Variants in VPS13C observed in about 807,000 individuals in gnomAD.
The protein encoded by VPS13C is intermembrane lipid transfer protein VPS13C.
In VPS13C, 358 loss-of-function variants were observed where a neutral mutation model predicts 456.8. That is an observed-to-expected ratio of 0.78 (90% CI 0.72 to 0.86). The LOEUF (loss-of-function observed/expected upper bound fraction) is 0.86. Ranked by LOEUF, VPS13C falls within the 40% of genes least tolerant of loss-of-function variation. The pLI is 0.00. For synonymous variants in VPS13C, 1,578 were observed against 1,486.7 expected, an observed-to-expected ratio of 1.06 and a Z score of -1.41; for missense variants, 4,818 against 4,385.4, an observed-to-expected ratio of 1.10 and a Z score of -2.79.
chr15:62,053,499 T>C (rs1026123872), intron 1 of VPS13C, among the ~76,000 whole-genome samples: 6 of 152,198 alleles, frequency 3.9e-5, no homozygotes, highest in South Asian at 2.1e-4. Context: ...AAGATAAAGA[T>C]ACATTATTTA....
intron 81 of VPS13C, chr15:61,863,816 G>A: frequency 4.2e-6 from 1 of 239,294 alleles, no homozygotes; most frequent in Non-Finnish European, 8.1e-6. Context: ...ATATCTACCA[G>A]CAATTATCAC....
rs780559978 is a variant in VPS13C, at chr15:61,964,801, AATTAATAGAAGCGAC to A, written c.3097_3111del (p.Val1033_Asn1037del). On this transcript the variant is annotated inframe_deletion, in exon 31 of 85. Coordinates refer to ENST00000644861, the MANE Select transcript of VPS13C (RefSeq NM_020821.3). ...TCAGATGGAATAATGGTTGTGAGGT[AATTAATAGAAGCGAC>A]AAGAGCTTGTGTTTGCAGCAACAGA... 6.2e-7 allele frequency: 1 copy of A among 1,612,404 alleles called. No homozygotes were observed. Among genetic ancestry groups the A allele is most frequent in the Non-Finnish European group, 8.5e-7 (1 of 1,179,044 alleles).
intron 63 of VPS13C, among the ~76,000 whole-genome samples, chr15:61,911,442 C>T (rs1409429050): frequency 6.6e-6 from 1 of 152,198 alleles, no homozygotes; most frequent in African/African-American, 2.4e-5. Context: ...TTCAGAAATT[C>T]TATAACCACC....
chr15:61,888,999 T>G (rs1896475364), intron 67 of VPS13C, among the ~76,000 whole-genome samples: 1 of 152,168 alleles, frequency 6.6e-6, no homozygotes, highest in Admixed American at 6.5e-5. Flanking sequence ...ACAGTTTTTC[T>G]CTAGACATAA....
chr15:61,854,761 A>C, intron 84 of VPS13C, 110 bp downstream of exon 84: 7 of 1,097,402 alleles, frequency 6.4e-6, no homozygotes, highest in Admixed American at 2.6e-5. Context: ...ATATCCATCC[A>C]TAGTTATATT....
intron 9 of VPS13C, among the ~76,000 whole-genome samples, chr15:62,016,442 C>A (rs1297069345): frequency 8.4e-6 from 1 of 119,354 alleles, no homozygotes; most frequent in Non-Finnish European, 1.6e-5. Context: ...CCACAACAGG[C>A]CCCAGTGTGT....
chr15:62,000,619 T>C lies in VPS13C; in HGVS notation c.1298A>G (p.Glu433Gly). 1 of 1,600,604 alleles carries C rather than the reference T, an allele frequency of 6.2e-7. No homozygotes were observed. The highest frequency in any genetic ancestry group is 1.2e-5 in the South Asian group (1 of 86,486). Residue 433 changes from glutamate to glycine, a missense_variant, in exon 16 of 85, where the codon GAG becomes GGG. Around this residue, in one of 3 missense-constraint regions of VPS13C, gnomAD observed 4,552 missense variants for 4,130.6 expected, o/e 1.10. Transcript: ENST00000644861. Reference sequence around the variant, plus strand: ...TATGTTAAAAACATCTAGAGTCTTCTCCAAGTCCTGTAAAAAACAGAGGCA... The same window carrying C: ...TATGTTAAAAACATCTAGAGTCTTCCCCAAGTCCTGTAAAAAACAGAGGCA... ...EEIQKEIQDL[E>G]KTLDVFNIIL...
chr15:61,873,959 TAC>T (rs67985179), intron 77 of VPS13C, among the ~76,000 whole-genome samples: 14 of 149,802 alleles, frequency 9.3e-5, no homozygotes, highest in African/African-American at 2.7e-4. Flanking sequence ...GAAAATGTGA[TAC>T]ACACACACAC....
At position 61,910,215 on chromosome 15, in the gene VPS13C, G is replaced by T; in HGVS notation, c.8806C>A (p.Arg2936=). 1.3e-6 allele frequency: 2 copies of T among 1,487,446 alleles called. 1 individual carries two copies. The highest frequency in any genetic ancestry group is 1.8e-6 in the Non-Finnish European group (2 of 1,110,068). The allele number at this position is 1,487,446 out of a possible 1,614,324, so 92.1% of individuals were successfully genotyped here. The change falls in exon 64 of 85, where the codon CGA becomes AGA. Residue 2936 remains arginine (R), a synonymous_variant. Transcript: ENST00000644861. ...EGSSKPFFYN[R]QDNGTLLSLE... ...CTCAATAAAGTGCCATTATCCTGTCGGTTATAAAAGAATGGTTTGGAAGAT... is the reference window on the plus strand; with the variant it reads ...CTCAATAAAGTGCCATTATCCTGTCTGTTATAAAAGAATGGTTTGGAAGAT...
intron 76 of VPS13C, 127 bp downstream of exon 76, chr15:61,875,605 T>C (rs2140888291): frequency 5.9e-6 from 4 of 673,974 alleles, no homozygotes; most frequent in Middle Eastern, 4.1e-4. Context: ...ATAAAATTGA[T>C]ATACTTTTGT....
chr15:61,884,863 C>T (rs1596290665), intron 67 of VPS13C, among the ~76,000 whole-genome samples: 1 of 152,056 alleles, frequency 6.6e-6, no homozygotes, highest in Non-Finnish European at 1.5e-5. Context: ...TATTATTTTA[C>T]TTGAGCATAT....
At chr15:61,947,092 T>C (rs1057349337) in intron 43 of VPS13C, 101 bp downstream of exon 43, 1 of 763,146 alleles carries the variant, frequency 1.3e-6, no homozygotes, top group Non-Finnish European at 2.1e-6. Context: ...TCAATATAAG[T>C]AAACCAAAAG....
chr15:62,057,435 T>C (rs923480627), intron 1 of VPS13C, among the ~76,000 whole-genome samples: 2 of 152,204 alleles, frequency 1.3e-5, no homozygotes, highest in Non-Finnish European at 2.9e-5. Context: ...AACTCAGATA[T>C]CTTGCCTTCC....
chr15:61,899,959 T>C (rs935255744), intron 66 of VPS13C, among the ~76,000 whole-genome samples: 4 of 152,092 alleles, frequency 2.6e-5, no homozygotes, highest in African/African-American at 7.2e-5. Context: ...TGGTTAAATA[T>C]ACACAAATCA....
chr15:61,854,383 A>C lies in VPS13C; in HGVS notation c.*74T>G. The C allele has an allele frequency of 7.4e-7, 1 of 1,348,086 alleles. No homozygotes were observed. The highest frequency in any genetic ancestry group is 2.3e-5 in the East Asian group (1 of 43,540). 83.5% of individuals were successfully genotyped at this position (1,348,086 alleles called of 1,614,324 possible). A position where few individuals can be genotyped will look rare whatever the true frequency, so the allele number is the denominator to read the frequency against. On this transcript the variant is annotated 3_prime_UTR_variant, in exon 85 of 85. Transcript: ENST00000644861. The stretch of plus-strand genomic sequence containing the variant: ...ATTGCTTGAAAAATTGTCTTTAGCA[A>C]GATAAAGCAGAGTGACTTATAGACA...
intron 1 of VPS13C, among the ~76,000 whole-genome samples, chr15:62,045,348 T>C (rs923138762): frequency 1.3e-5 from 2 of 152,020 alleles, no homozygotes; most frequent in Admixed American, 1.3e-4. Context: ...AATATTCCAA[T>C]AGAAGCGTAC....
intron 66 of VPS13C, among the ~76,000 whole-genome samples, chr15:61,897,017 T>A (rs2042843226): frequency 6.6e-6 from 1 of 152,182 alleles, no homozygotes; most frequent in African/African-American, 2.4e-5. Context: ...GGCAGGGTAC[T>A]CCAACAGACC....
chr15:61,882,854 G>C, intron 68 of VPS13C, 118 bp from the exon 69 acceptor site: 1 of 1,111,604 alleles, frequency 9.0e-7, no homozygotes, highest in South Asian at 2.5e-5. Context: ...CTCACCAACA[G>C]ATCTATCTTA....
Position 61,915,948 on chromosome 15 carries a change from T to C in VPS13C, c.8130A>G (p.Ile2710Met). The change falls in exon 61 of 85, where the codon ATA becomes ATG. Residue 2710 changes from isoleucine (I) to methionine (M), a missense_variant. Around this residue, in one of 3 missense-constraint regions of VPS13C, gnomAD observed 4,552 missense variants for 4,130.6 expected, o/e 1.10. Coordinates refer to ENST00000644861, the MANE Select transcript of VPS13C (RefSeq NM_020821.3). Reference protein sequence around the residue: ...DVLHSRISGEIMELVLVKYQG... With the variant: ...DVLHSRISGEMMELVLVKYQG... ...GGTATTTCACCAGGACTAATTCCAT[T>C]ATTTCACCACTGATTCTCGAATGCA... is the stretch of plus-strand genomic sequence containing the variant. 6.2e-7 allele frequency: 1 copy of C among 1,613,948 alleles called. No individual in the cohort carries two copies. Among genetic ancestry groups the C allele is most frequent in the Non-Finnish European group, 8.5e-7 (1 of 1,179,908 alleles).
Sources: gnomAD v4.1 joint callset for allele counts (sites outside exome capture counted in the v4.1 genomes callset) on GRCh38, gnomAD v4.1.1 for gene constraint, gnomAD v4.1.1 regional missense constraint, MANE v1.5 for transcripts, NCBI Gene and HGNC (gene_info 2026-07-23, HGNC 2026-07-21) for gene names.